The following ANKHD1 variants were observed in gnomAD, a reference collection of about 807,000 sequenced individuals.
The protein encoded by ANKHD1 is ankyrin repeat and KH domain-containing protein 1.
A neutral mutation model predicts 230.5 loss-of-function variants in ANKHD1; 31 were observed. The observed-to-expected ratio is 0.13, with a 90% CI of 0.10 to 0.18. The LOEUF is 0.18. Among genes scored for constraint, ANKHD1 ranks in the 10% least tolerant of loss-of-function variants. The probability of loss-of-function intolerance (pLI) is 1.00; values close to 1 mark genes in which losing one functional copy is unlikely to be tolerated. For synonymous variants in ANKHD1, 1,074 were observed against 1,117.6 expected (o/e 0.96, Z 0.78); for missense variants, 2,256 against 3,071.3 (o/e 0.73, Z 6.27).
chr5:140,495,695 CTT>C (rs1752004459), intron 14 of ANKHD1, among the ~76,000 whole-genome samples: 1 of 152,144 alleles, frequency 6.6e-6, no homozygotes, highest in Non-Finnish European at 1.5e-5. Context: ...AAGGAAGGAA[CTT>C]AAGTGTAATT....
Position 140,487,006 on chromosome 5 carries a change from G to A in ANKHD1, c.2191G>A (p.Glu731Lys). 1 of 1,613,566 alleles carries A rather than the reference G, an allele frequency of 6.2e-7. No homozygotes were observed. The highest frequency in any genetic ancestry group is 8.5e-7 in the Non-Finnish European group (1 of 1,179,670). Residue 731 changes from glutamate (E) to lysine (K), a missense_variant, in exon 14 of 34, where the codon GAA (glutamate) becomes AAA (lysine). Physicochemically the swap from Glu to Lys is moderately conservative, Grantham distance 56. This residue lies in a region of ANKHD1 where 358 missense variants were observed against 397.7 expected (regional missense o/e 0.90). Transcript: ENST00000360839. ...ACTTGCCATGGTTGTACCTCCCCAG[G>A]AACCTGACAGAACTTCACAGGAGAA... ...HTLAMVVPPQ[E>K]PDRTSQENSP...
At chr5:140,417,074 T>C (rs1771454962) in intron 1 of ANKHD1, among the ~76,000 whole-genome samples, 1 of 152,172 alleles carries the variant, frequency 6.6e-6, no homozygotes, top group Non-Finnish European at 1.5e-5. Flanking sequence ...ATGTTCTCCC[T>C]GAAGCCATTG....
chr5:140,437,418 A>G (rs540826500), intron 2 of ANKHD1, among the ~76,000 whole-genome samples: 318 of 152,332 alleles, frequency 2.1e-3, no homozygotes, highest in African/African-American at 7.5e-3. Flanking sequence ...AATTTTAGCA[A>G]CTGGCTGGGC....
chr5:140,406,398 A>G (rs1272614326), intron 1 of ANKHD1, among the ~76,000 whole-genome samples: 1 of 152,044 alleles, frequency 6.6e-6, no homozygotes, highest in African/African-American at 2.4e-5. Context: ...TTTGCTCTAG[A>G]ATTAGTTGGT....
Position 140,528,227 on chromosome 5 carries a change from G to A in ANKHD1, c.5281G>A (p.Ala1761Thr). The A allele has an allele frequency of 6.2e-7, 1 of 1,609,006 alleles. No individual in the cohort carries two copies. Residue 1761 changes from alanine to threonine, a missense_variant, in exon 29 of 34, where the codon GCA becomes ACA. Ala to Thr is a moderately conservative substitution (Grantham distance 58). Around this residue, in one of 13 missense-constraint regions of ANKHD1, gnomAD observed 778 missense variants for 966.5 expected, o/e 0.80. Coordinates refer to ENST00000360839, the MANE Select transcript of ANKHD1 (RefSeq NM_017747.3). ...AAGATATGCAGTTCAACTAATCAAT[G>A]CACTCATTCAAGATCCTGCTAAGGA... Reference protein sequence around the residue: ...STRYAVQLINALIQDPAKELE... With the variant: ...STRYAVQLINTLIQDPAKELE...
intron 1 of ANKHD1, among the ~76,000 whole-genome samples, chr5:140,408,592 G>A (rs1466458297): frequency 6.6e-6 from 1 of 152,166 alleles, no homozygotes; most frequent in Non-Finnish European, 1.5e-5. Context: ...AAGTCATACA[G>A]AAATCCCATC....
intron 29 of ANKHD1, among the ~76,000 whole-genome samples, chr5:140,531,625 G>A (rs1753824610): frequency 1.3e-5 from 2 of 152,012 alleles, no homozygotes; most frequent in South Asian, 4.1e-4. Flanking sequence ...AAAAGATAGA[G>A]AGAAACTGAA....
chr5:140,515,254 G>A (rs898311921), intron 24 of ANKHD1, among the ~76,000 whole-genome samples: 1 of 151,696 alleles, frequency 6.6e-6, no homozygotes, highest in Non-Finnish European at 1.5e-5. Flanking sequence ...CTCTAGCCTG[G>A]GTGACAGAGC....
chr5:140,493,102 C>T (rs1751879522), intron 14 of ANKHD1, among the ~76,000 whole-genome samples: 1 of 152,168 alleles, frequency 6.6e-6, no homozygotes, highest in South Asian at 2.1e-4. Context: ...AGTCTTGTTG[C>T]CCAGGCTGGA....
intron 9 of ANKHD1, among the ~76,000 whole-genome samples, chr5:140,461,841 G>A (rs1387121790): frequency 6.6e-6 from 1 of 151,968 alleles, no homozygotes; most frequent in East Asian, 1.9e-4. Flanking sequence ...AAATATCCAA[G>A]CCATTTTTGT....
At chr5:140,511,877 C>G (rs1418310340) in intron 22 of ANKHD1, among the ~76,000 whole-genome samples, 2 of 152,204 alleles carry the variant, frequency 1.3e-5, no homozygotes, top group African/African-American at 4.8e-5. Flanking sequence ...CTCCATCACA[C>G]TAATTCTTAA....
At chr5:140,412,835 C>G (rs1483968847) in intron 1 of ANKHD1, among the ~76,000 whole-genome samples, 1 of 152,060 alleles carries the variant, frequency 6.6e-6, no homozygotes, top group African/African-American at 2.4e-5. Flanking sequence ...CCAAGTTTAC[C>G]TAAACCAGGA....
intron 10 of ANKHD1, among the ~76,000 whole-genome samples, chr5:140,474,093 C>T (rs978831103): frequency 6.6e-6 from 1 of 152,174 alleles, no homozygotes; most frequent in African/African-American, 2.4e-5. Flanking sequence ...TTTCCTCCAT[C>T]CAAATTGAAT....
chr5:140,537,737 G>A, intron 31 of ANKHD1, 148 bp downstream of exon 31: 2 of 1,282,176 alleles, frequency 1.6e-6, no homozygotes, highest in Non-Finnish European at 2.0e-6. Context: ...ATATCTTTGA[G>A]GAGTTCAGTC....
intron 10 of ANKHD1, among the ~76,000 whole-genome samples, chr5:140,478,990 T>A (rs1235919225): frequency 1.6e-5 from 1 of 63,286 alleles, no homozygotes; most frequent in Admixed American, 2.1e-4. Context: ...TTTATTTTTT[T>A]TAATTTTTAT....
chr5:140,458,482 A>T (rs1775388773), intron 7 of ANKHD1, 143 bp from the exon 8 acceptor site: 1 of 701,346 alleles, frequency 1.4e-6, no homozygotes, highest in African/African-American at 1.8e-5. Context: ...TGAGCATGAT[A>T]ATATATATGC....
At chr5:140,452,048 A>C (rs556453231) in intron 7 of ANKHD1, among the ~76,000 whole-genome samples, 1 of 152,254 alleles carries the variant, frequency 6.6e-6, no homozygotes, top group Admixed American at 6.5e-5. Flanking sequence ...TTTCCAACTG[A>C]GCATACGGCA....
At chr5:140,505,051 G>A in intron 16 of ANKHD1, 71 bp from the exon 17 acceptor site, 1 of 1,602,756 alleles carries the variant, frequency 6.2e-7, no homozygotes, top group Non-Finnish European at 8.5e-7. Flanking sequence ...ATTGTGAAAA[G>A]AAATATTATT....
Position 140,485,743 on chromosome 5 carries a change from A to C in ANKHD1, c.2142+11A>C. ...CAAGATCAGTCTCAGGTAAAGTAAA[A>C]TGGAGCTTGTTTGTTAATATAAATA... On this transcript the variant is annotated intron_variant, in intron 13 of 33. Transcript: ENST00000360839. This position sits in a 1 kb window ranked among gnomAD's most constrained non-coding sequence, Gnocchi z 4.8. 2 of 1,610,504 alleles carry C rather than the reference A, an allele frequency of 1.2e-6. No homozygotes were observed. Among genetic ancestry groups the C allele is most frequent in the Non-Finnish European group, 1.7e-6 (2 of 1,179,274 alleles).
Sources: allele counts gnomAD v4.1 joint callset (sites outside exome capture counted in the v4.1 genomes callset), GRCh38; gene constraint gnomAD v4.1.1; regional missense constraint gnomAD v4.1.1; non-coding constraint Gnocchi (gnomAD v3.1); transcripts MANE v1.5; gene names NCBI Gene and HGNC (gene_info 2026-07-23, HGNC 2026-07-21).